Variants in ALAS2 observed in about 807,000 individuals in gnomAD.
ALAS2 encodes 5-aminolevulinate synthase, erythroid-specific, mitochondrial.
Under a neutral mutation model 33.7 loss-of-function variants are expected in ALAS2, and 3 were observed. That is an observed-to-expected ratio of 0.09 (90% CI 0.04 to 0.23). The LOEUF (loss-of-function observed/expected upper bound fraction) is 0.23, where lower values mean the gene tolerates loss of function less well. Ranked by LOEUF, ALAS2 falls within the 10% of genes least tolerant of loss-of-function variation. The pLI is 1.00. For missense variants in ALAS2, 304 were observed against 475.1 expected, an observed-to-expected ratio of 0.64 and a Z score of 3.35; for synonymous variants, 191 against 177.3, an observed-to-expected ratio of 1.08 and a Z score of -0.61.
rs1935782791 is a variant in ALAS2, at chrX:55,020,421, T to C, written c.722A>G (p.Gln241Arg). The C allele has an allele frequency of 8.3e-7, 1 of 1,198,081 alleles. No homozygotes were observed. The highest frequency in any genetic ancestry group is 1.1e-6 in the Non-Finnish European group (1 of 888,313). The change falls in exon 6 of 11, where the codon CAG becomes CGG. Residue 241 changes from glutamine to arginine, a missense_variant. By Grantham distance (43) the Gln-to-Arg change is conservative. Transcript: ENST00000650242. ...GTSKFHVELE[Q>R]ELAELHQKDS... ...CTTCTGGTGCAGCTCAGCCAGCTCCTGCTCAAGCTCCACATGAAACTTACT... is the reference window on the plus strand; with the variant it reads ...CTTCTGGTGCAGCTCAGCCAGCTCCCGCTCAAGCTCCACATGAAACTTACT...
intron 7 of ALAS2, among the ~76,000 whole-genome samples, chrX:55,016,126 G>A (rs892236695): frequency 6.4e-5 from 7 of 110,083 alleles, no homozygotes; most frequent in Admixed American, 2.9e-4. Flanking sequence ...GCTGTGTTCA[G>A]CCTAGCATCA....
chrX:55,011,692 C>T (rs1053707567), intron 10 of ALAS2, among the ~76,000 whole-genome samples: 10 of 111,884 alleles, frequency 8.9e-5, no homozygotes, highest in African/African-American at 2.6e-4. Flanking sequence ...GTGGAGCCAT[C>T]GTGGATGCCT....
rs201062903 is a variant in ALAS2, at chrX:55,013,527, G to A, written c.1559C>T (p.Pro520Leu). 2,036 of 1,209,388 alleles carry A rather than the reference G, an allele frequency of 1.7e-3. 4 individuals are homozygous for A. Among genetic ancestry groups the A allele is most frequent in the Middle Eastern group, 3.2e-3 (14 of 4,351 alleles). Residue 520 changes from proline to leucine, a missense_variant, in exon 10 of 11, where the codon CCC (proline) becomes CTC (leucine). Transcript: ENST00000650242. ...PRGEELLRLA[P>L]SPHHSPQMME... ...CATCTGAGGGCTGTGGTGGGGGGAG[G>A]GTGCCAAGCGCAGGAGCTCTTCACC...
At chrX:55,021,470 T>C (rs1209050262) in intron 4 of ALAS2, among the ~76,000 whole-genome samples, 196 bp from the exon 5 acceptor site, 4 of 112,321 alleles carry the variant, frequency 3.6e-5, no homozygotes, top group African/African-American at 1.3e-4. Context: ...ACTCATTCAC[T>C]CATTCACTCA....
At chrX:55,025,567 C>T (rs765508422) in intron 2 of ALAS2, among the ~76,000 whole-genome samples, 38 of 111,040 alleles carry the variant, frequency 3.4e-4, no homozygotes, top group Non-Finnish European at 6.4e-4. Context: ...CTCCTGACCT[C>T]GTGATCCACT....
rs981000005 is a variant in ALAS2 at position 55,025,720 on chromosome X, A to C, written c.181+100T>G. The C allele has an allele frequency of 2.7e-5, 24 of 900,990 alleles. No homozygotes were observed. In the East Asian group the frequency reaches 7.2e-4, roughly 27 times the overall value. The allele number at this position is 900,990 out of a possible 1,213,427, so 74.3% of individuals were successfully genotyped here. ...TTCATGCTATCTTGACACTTTTCAC[A>C]TGAACCGTCCTAATTATTAGGCAAA... On this transcript the variant is annotated intron_variant, in intron 2 of 10. Transcript: ENST00000650242.
intron 6 of ALAS2, 125 bp downstream of exon 6, chrX:55,020,195 G>A (rs376314873): frequency 1.5e-6 from 1 of 677,045 alleles, no homozygotes. Context: ...ATGCAAGGTG[G>A]ATAAGAAGGA....
chrX:55,009,064 T>G lies in ALAS2; in HGVS notation c.*116A>C. The G allele has an allele frequency of 1.0e-6, 1 of 961,197 alleles. No individual in the cohort carries two copies. 79.2% of individuals were successfully genotyped at this position (961,197 alleles called of 1,213,427 possible). A position where few individuals can be genotyped will look rare whatever the true frequency, so the allele number is the denominator to read the frequency against. ...AATAAAAGGCTTCACATGCTGTGGTTTGTGCTTTATTTTTAGGCTCAATTC... is the reference window on the plus strand; with the variant it reads ...AATAAAAGGCTTCACATGCTGTGGTGTGTGCTTTATTTTTAGGCTCAATTC... On this transcript the variant is annotated 3_prime_UTR_variant, in exon 11 of 11. Coordinates refer to ENST00000650242, the MANE Select transcript of ALAS2 (RefSeq NM_000032.5).
intron 10 of ALAS2, 94 bp downstream of exon 10, chrX:55,013,392 T>C: frequency 1.0e-6 from 1 of 954,406 alleles, no homozygotes; most frequent in Non-Finnish European, 1.4e-6. Flanking sequence ...AGAAATATTT[T>C]GTAAACTCAG....
Position 55,009,799 on chromosome X carries a change from C to T in ALAS2, c.1601-456G>A, listed in dbSNP as rs774575169. ...CTAGCTGGAGGAAGTACCCCAGGTA[C>T]GTTCCAGGGCTCTGTTCTTGGCCTT... On this transcript the variant is annotated intron_variant, in intron 10 of 10. Transcript: ENST00000650242. Among the ~76,000 whole-genome samples, 39 of 111,917 alleles carry T rather than the reference C, an allele frequency of 3.5e-4. No individual in the cohort carries two copies. The South Asian group carries it at 8.0e-3, about 23-fold the overall frequency.
chrX:55,023,576 C>T (rs1935842917), intron 4 of ALAS2, among the ~76,000 whole-genome samples, 181 bp downstream of exon 4: 1 of 111,278 alleles, frequency 9.0e-6, no homozygotes, highest in Non-Finnish European at 1.9e-5. Context: ...TTAAATGCCA[C>T]TGAAGGAAAG....
At position 55,011,184 on chromosome X, in the gene ALAS2, C is replaced by G. The variant is rs757651999; in HGVS notation, c.1601-1841G>C. On this transcript the variant is annotated intron_variant, in intron 10 of 10. Transcript: ENST00000650242. ...TATGCTGAAGAGCTTCAACTCTGTCCTATATGTCAATGTTTCCAAATTTTG... is the reference window on the plus strand; with the variant it reads ...TATGCTGAAGAGCTTCAACTCTGTCGTATATGTCAATGTTTCCAAATTTTG... Among the ~76,000 whole-genome samples the G allele has an allele frequency of 2.9e-4, 32 of 111,687 alleles. No individual in the cohort carries two copies. In the South Asian group the frequency reaches 7.2e-3, roughly 25 times the overall value.
chrX:55,028,485 G>A (rs776410282), intron 1 of ALAS2, among the ~76,000 whole-genome samples: 2 of 111,643 alleles, frequency 1.8e-5, no homozygotes, highest in South Asian at 3.8e-4. Context: ...TGGAGGCAAA[G>A]TCCAGTCCTG....
intron 7 of ALAS2, among the ~76,000 whole-genome samples, chrX:55,016,387 C>G (rs1208833203): frequency 9.0e-6 from 1 of 111,279 alleles, no homozygotes; most frequent in Non-Finnish European, 1.9e-5. Context: ...CATATATTAA[C>G]TCATTTAATT....
chrX:55,030,960 G>A lies in ALAS2; in HGVS notation c.-34C>T, dbSNP rs780642606. 4.4e-4 allele frequency: 151 copies of A among 340,489 alleles called. No homozygotes were observed. Among genetic ancestry groups the A allele is most frequent in the Non-Finnish European group, 7.7e-4 (131 of 169,773 alleles). The allele number at this position is 340,489 out of a possible 1,213,427, so 28.1% of individuals were successfully genotyped here. The stretch of plus-strand genomic sequence containing the variant: ...CTCTTACCTGTTGCCCTGCACTGAG[G>A]ACGAACGAATGACAGGTGGGTACTT... On this transcript the variant is annotated 5_prime_UTR_variant, in exon 1 of 11. Coordinates refer to ENST00000650242, the MANE Select transcript of ALAS2 (RefSeq NM_000032.5).
intron 7 of ALAS2, among the ~76,000 whole-genome samples, chrX:55,016,956 A>G (rs758886873): frequency 3.6e-5 from 4 of 111,995 alleles, no homozygotes; most frequent in South Asian, 3.7e-4. Flanking sequence ...TTTGACCCCA[A>G]TGCTTCATAC....
intron 4 of ALAS2, 115 bp downstream of exon 4, chrX:55,023,642 T>A (rs1001947933): frequency 5.5e-5 from 35 of 634,638 alleles, no homozygotes; most frequent in Admixed American, 8.5e-5. Context: ...AATTTTAAAC[T>A]CAAATTTCCT....
At chrX:55,021,366 C>T in intron 4 of ALAS2, 92 bp from the exon 5 acceptor site, 4 of 731,805 alleles carry the variant, frequency 5.5e-6, no homozygotes, top group Non-Finnish European at 8.6e-6. Flanking sequence ...TTTGAGTTCT[C>T]CAACTCTTTT....
intron 7 of ALAS2, 116 bp downstream of exon 7, chrX:55,017,370 C>G: frequency 1.4e-6 from 1 of 732,749 alleles, no homozygotes; most frequent in African/African-American, 2.1e-5. Context: ...TTGCTTGGCA[C>G]ATAATAAACA....
Sources: allele counts gnomAD v4.1 joint callset (sites outside exome capture counted in the v4.1 genomes callset), GRCh38; gene constraint gnomAD v4.1.1; transcripts MANE v1.5; gene names NCBI Gene and HGNC (gene_info 2026-07-23, HGNC 2026-07-21).